CLHC1: variants seen among roughly 807,000 people sequenced by gnomAD.
CLHC1 encodes clathrin heavy chain linker domain containing 1, also known as clathrin heavy chain linker domain-containing protein 1.
CLHC1 carries 72 observed loss-of-function variants against 69.5 expected under a neutral mutation model. The observed-to-expected ratio is 1.04, with a 90% CI of 0.86 to 1.26. The LOEUF (loss-of-function observed/expected upper bound fraction) is 1.26. Ranked by LOEUF, CLHC1 falls within the 50% of genes most tolerant of loss-of-function variation. CLHC1 has a pLI of 0.00. For synonymous variants in CLHC1, 223 were observed against 224.3 expected, an observed-to-expected ratio of 0.99 and a Z score of 0.05; for missense variants, 790 against 679.3, an observed-to-expected ratio of 1.16 and a Z score of -1.81.
intron 5 of CLHC1, among the ~76,000 whole-genome samples, chr2:55,211,910 T>G (rs1224060280): frequency 1.3e-5 from 2 of 152,162 alleles, no homozygotes; most frequent in African/African-American, 2.4e-5. Context: ...ATCAACAATA[T>G]CCACCAAAAC....
intron 4 of CLHC1, chr2:55,214,778 T>C (rs748135988): frequency 1.3e-5 from 2 of 152,174 alleles, no homozygotes; most frequent in African/African-American, 4.8e-5. Context: ...ATTATTCACA[T>C]AGCCAAAAAT....
chr2:55,204,959 G>A (rs1478056731), intron 9 of CLHC1, among the ~76,000 whole-genome samples: 1 of 152,070 alleles, frequency 6.6e-6, no homozygotes, highest in Non-Finnish European at 1.5e-5. Context: ...GGGTGGGGGA[G>A]TTGGGCTGTT....
intron 9 of CLHC1, among the ~76,000 whole-genome samples, chr2:55,191,775 C>T (rs1670951871): frequency 4.0e-5 from 6 of 150,822 alleles, no homozygotes; most frequent in Admixed American, 3.3e-4. Context: ...CCAAAAGAAG[C>T]CAGAAAAAGT....
chr2:55,211,359 G>A (rs1039067098), intron 5 of CLHC1, among the ~76,000 whole-genome samples: 5 of 151,754 alleles, frequency 3.3e-5, no homozygotes, highest in Admixed American at 1.3e-4. Context: ...AAAATTAGCC[G>A]GGCGTGGTGG....
At chr2:55,179,074 C>CT (rs1669671174) in intron 11 of CLHC1, among the ~76,000 whole-genome samples, 1 of 86 alleles carries the variant, frequency 0.012, no homozygotes, top group African/African-American at 0.071. Context: ...GACTACAGAC[C>CT]CATCCCTAAA....
chr2:55,203,961 A>G (rs1672198679), intron 9 of CLHC1, among the ~76,000 whole-genome samples: 1 of 152,226 alleles, frequency 6.6e-6, no homozygotes, highest in South Asian at 2.1e-4. Flanking sequence ...ACAACTCCAT[A>G]GGAAAAAAAT....
chr2:55,172,808 G>A lies in CLHC1; in HGVS notation c.*2982C>T, dbSNP rs1669069038. 6.6e-6 allele frequency among the ~76,000 whole-genome samples: 1 copy of A among 151,652 alleles called. No individual in the cohort carries two copies. Among genetic ancestry groups the A allele is most frequent in the Non-Finnish European group, 1.5e-5 (1 of 67,922 alleles). On this transcript the variant is annotated 3_prime_UTR_variant, in exon 13 of 13. Coordinates refer to ENST00000401408, the MANE Select transcript of CLHC1 (RefSeq NM_152385.4). ...AAGTAACAGGTTTTCACCTTTTAAA[G>A]TTAAAAAAGTGATTAATTTAATGGT... is the stretch of plus-strand genomic sequence containing the variant.
chr2:55,200,726 C>T lies in CLHC1; in HGVS notation c.1006+5544G>A, dbSNP rs185632276. Among the ~76,000 whole-genome samples, 375 of 152,280 alleles carry T rather than the reference C, an allele frequency of 2.5e-3. 1 individual carries two copies. Among genetic ancestry groups the T allele is most frequent in the African/African-American group, 8.7e-3 (362 of 41,566 alleles). On this transcript the variant is annotated intron_variant, in intron 9 of 12. Transcript: ENST00000401408. ...CGTATCACCCAACAGCTGAAAAATA[C>T]ACATTCTTCTTCTTAGCACATGGGT...
Position 55,222,417 on chromosome 2 carries a change from A to T in CLHC1, c.-6T>A. On this transcript the variant is annotated 5_prime_UTR_variant, in exon 3 of 13. Transcript: ENST00000401408. ...CTTATTTGATGAACTGACATATTTGACAATCTGCACACTTGTTCACTGAAG... is the reference window on the plus strand; with the variant it reads ...CTTATTTGATGAACTGACATATTTGTCAATCTGCACACTTGTTCACTGAAG... 1 of 1,611,890 alleles carries T rather than the reference A, an allele frequency of 6.2e-7. No homozygotes were observed. The highest frequency in any genetic ancestry group is 8.5e-7 in the Non-Finnish European group (1 of 1,179,046).
At chr2:55,201,324 G>GA (rs1671924486) in intron 9 of CLHC1, among the ~76,000 whole-genome samples, 1 of 151,858 alleles carries the variant, frequency 6.6e-6, no homozygotes, top group Admixed American at 6.6e-5. Flanking sequence ...AATCAGAGAT[G>GA]AAAAAGGAGA....
At chr2:55,196,596 G>T (rs1255178903) in intron 9 of CLHC1, among the ~76,000 whole-genome samples, 1 of 152,182 alleles carries the variant, frequency 6.6e-6, no homozygotes, top group Non-Finnish European at 1.5e-5. Context: ...CTTGTCAGAA[G>T]GGAAGCCACT....
chr2:55,183,248 A>C (rs1244728746), intron 9 of CLHC1, among the ~76,000 whole-genome samples: 1 of 152,228 alleles, frequency 6.6e-6, no homozygotes, highest in Non-Finnish European at 1.5e-5. Context: ...TATTTAGTTT[A>C]GACTAGACTT....
chr2:55,215,517 T>G (rs924242801), intron 4 of CLHC1, among the ~76,000 whole-genome samples: 5 of 152,178 alleles, frequency 3.3e-5, no homozygotes, highest in Non-Finnish European at 7.4e-5. Flanking sequence ...TCCAGAACAT[T>G]TCGTTGGCCC....
intron 9 of CLHC1, among the ~76,000 whole-genome samples, chr2:55,197,782 T>A (rs1369969841): frequency 6.6e-6 from 1 of 152,092 alleles, no homozygotes. Flanking sequence ...AGTTCTTCAA[T>A]GCCCAGACAC....
At chr2:55,222,673 T>A (rs900151374) in intron 2 of CLHC1, among the ~76,000 whole-genome samples, 180 bp from the exon 3 acceptor site, 2 of 151,942 alleles carry the variant, frequency 1.3e-5, no homozygotes, top group African/African-American at 4.8e-5. Context: ...TAATCCCAGC[T>A]CTTTGGGAGG....
intron 8 of CLHC1, chr2:55,206,801 T>C (rs896558696): frequency 6.0e-5 from 11 of 182,864 alleles, no homozygotes; most frequent in Non-Finnish European, 1.0e-4. Flanking sequence ...GAAATATTAA[T>C]TGAAGATAGA....
chr2:55,215,028 G>A (rs974510500), intron 4 of CLHC1: 5 of 152,166 alleles, frequency 3.3e-5, no homozygotes, highest in Middle Eastern at 3.4e-3. Flanking sequence ...GGGATTCTTT[G>A]GGTTTGTTGA....
chr2:55,222,232 T>C lies in CLHC1; in HGVS notation c.177+3A>G, dbSNP rs1437344312. 3.7e-6 allele frequency: 6 copies of C among 1,606,856 alleles called. No individual in the cohort carries two copies. In the Admixed American group the frequency reaches 6.7e-5, roughly 18 times the overall value. On this transcript the variant is annotated splice_donor_region_variant and intron_variant, in intron 3 of 12. Transcript: ENST00000401408. ...CTTAATTGTCTTAAAAGCTTTATGA[T>C]ACCTTATCAAAAACATTTCGGTATA...
chr2:55,201,389 A>C (rs1278212497), intron 9 of CLHC1, among the ~76,000 whole-genome samples: 1 of 152,132 alleles, frequency 6.6e-6, no homozygotes, highest in Non-Finnish European at 1.5e-5. Context: ...ACTATGAGCA[A>C]CTATATGCCA....
Sources: gnomAD v4.1 joint callset for allele counts (sites outside exome capture counted in the v4.1 genomes callset) on GRCh38, gnomAD v4.1.1 for gene constraint, MANE v1.5 for transcripts, NCBI Gene and HGNC (gene_info 2026-07-23, HGNC 2026-07-21) for gene names.